GLT8D2: variants seen among roughly 807,000 people sequenced by gnomAD.
GLT8D2 encodes the protein glycosyltransferase 8 domain-containing protein 2.
A neutral mutation model predicts 44.5 loss-of-function variants in GLT8D2; 45 were observed. That is an observed-to-expected ratio of 1.01 (90% CI 0.80 to 1.30). The LOEUF is 1.30. GLT8D2 is among the 50% of genes most tolerant of loss of function. The pLI, the probability that GLT8D2 is intolerant of heterozygous loss-of-function variation, is 0.00. For missense variants in GLT8D2, 400 were observed against 430.4 expected (o/e 0.93, Z 0.62); for synonymous variants, 156 against 157.2 (o/e 0.99, Z 0.06).
intron 4 of GLT8D2, among the ~76,000 whole-genome samples, chr12:104,007,958 G>A (rs1291018526): frequency 6.6e-6 from 1 of 152,180 alleles, no homozygotes; most frequent in African/African-American, 2.4e-5. Context: ...TTCGCCTCCT[G>A]CCATGATTCT....
At chr12:103,993,859 G>C (rs1440549982) in intron 9 of GLT8D2, 1 of 193,364 alleles carries the variant, frequency 5.2e-6, no homozygotes, top group Non-Finnish European at 1.1e-5. Flanking sequence ...AGATACACAA[G>C]ACTGCTAGGC....
In GLT8D2 at chr12:104,022,010, A is replaced by G. The variant is rs549851694; in HGVS notation, c.-163-519T>C. On this transcript the variant is annotated intron_variant, in intron 1 of 10. Coordinates refer to ENST00000360814, the MANE Select transcript of GLT8D2 (RefSeq NM_001384711.1). The stretch of plus-strand genomic sequence containing the variant: ...AAGAAGAAGAAGAAGAAGAAGAAGA[A>G]GAAGAAGAAGAAAAAGAAGAAGAAG... Among the ~76,000 whole-genome samples the G allele has an allele frequency of 1.6e-4, 13 of 78,986 alleles. 3 individuals carry two copies. Among genetic ancestry groups the G allele is most frequent in the Middle Eastern group, 8.6e-3 (2 of 232 alleles). 51.8% of individuals were successfully genotyped at this position (78,986 alleles called of 152,430 possible). A position where few individuals can be genotyped will look rare whatever the true frequency, so the allele number is the denominator to read the frequency against.
chr12:104,013,072 G>A (rs1181720532), intron 4 of GLT8D2, among the ~76,000 whole-genome samples: 2 of 152,170 alleles, frequency 1.3e-5, no homozygotes, highest in African/African-American at 2.4e-5. Context: ...CCAAGCAAAC[G>A]AATACAGATT....
chr12:104,043,925 C>T (rs868653706), intron 1 of GLT8D2, among the ~76,000 whole-genome samples: 1 of 152,334 alleles, frequency 6.6e-6, no homozygotes, highest in Middle Eastern at 3.4e-3. Flanking sequence ...TCCACCCTGG[C>T]ACATTAGCCT....
At chr12:104,008,501 A>G (rs188816640) in intron 4 of GLT8D2, among the ~76,000 whole-genome samples, 103 of 152,354 alleles carry the variant, frequency 6.8e-4, no homozygotes, top group African/African-American at 2.3e-3. Flanking sequence ...CAGTTTTATA[A>G]GGGAAGCAGA....
upstream of GLT8D2, among the ~76,000 whole-genome samples, chr12:104,051,531 G>C (rs1294728833): frequency 6.6e-6 from 1 of 152,070 alleles, no homozygotes; most frequent in Admixed American, 6.6e-5. Flanking sequence ...AATATACAAT[G>C]TATAGTGATC....
At chr12:104,018,434 C>A (rs1877173476) in intron 3 of GLT8D2, among the ~76,000 whole-genome samples, 1 of 152,120 alleles carries the variant, frequency 6.6e-6, no homozygotes, top group South Asian at 2.1e-4. Flanking sequence ...TTTGCTGACA[C>A]CCAGTTCCTC....
At chr12:104,042,079 C>T (rs544252008) in intron 1 of GLT8D2, among the ~76,000 whole-genome samples, 1 of 152,340 alleles carries the variant, frequency 6.6e-6, no homozygotes, top group South Asian at 2.1e-4. Flanking sequence ...AACAGCTCTT[C>T]CCATCCTTTT....
At chr12:104,010,213 G>C (rs534836954) in intron 4 of GLT8D2, among the ~76,000 whole-genome samples, 1 of 152,010 alleles carries the variant, frequency 6.6e-6, no homozygotes, top group South Asian at 2.1e-4. Flanking sequence ...TGGCACACAA[G>C]ACCCCTCATG....
chr12:104,018,401 A>G (rs1439355867), intron 3 of GLT8D2, among the ~76,000 whole-genome samples: 1 of 152,180 alleles, frequency 6.6e-6, no homozygotes, highest in Non-Finnish European at 1.5e-5. Context: ...CTCCAAAGCT[A>G]CATCCTGAGG....
chr12:104,046,806 A>G (rs1293315625), intron 1 of GLT8D2, among the ~76,000 whole-genome samples: 1 of 152,120 alleles, frequency 6.6e-6, no homozygotes, highest in African/African-American at 2.4e-5. Flanking sequence ...AGATTCACCA[A>G]GATACATAGA....
intron 1 of GLT8D2, among the ~76,000 whole-genome samples, chr12:104,059,029 G>A (rs1365325999): frequency 2.0e-5 from 3 of 152,184 alleles, no homozygotes; most frequent in South Asian, 2.1e-4. Flanking sequence ...GCGGGACAGC[G>A]CAAGACTTCA....
intron 1 of GLT8D2, among the ~76,000 whole-genome samples, chr12:104,024,414 C>G (rs1484072823): frequency 6.6e-6 from 1 of 151,790 alleles, no homozygotes; most frequent in Non-Finnish European, 1.5e-5. Flanking sequence ...GCCCCGGTGA[C>G]AGAGAGAGAC....
In GLT8D2 at chr12:103,989,365, T is replaced by C; in HGVS notation, c.*43A>G. The C allele has an allele frequency of 6.7e-7, 1 of 1,481,804 alleles. No individual in the cohort carries two copies. The highest frequency in any genetic ancestry group is 9.2e-7 in the Non-Finnish European group (1 of 1,090,044). The allele number at this position is 1,481,804 out of a possible 1,614,324, so 91.8% of individuals were successfully genotyped here. A position where few individuals can be genotyped will look rare whatever the true frequency, so the allele number is the denominator to read the frequency against. ...GTTATAGTTGGCTACAAAGGGACAA[T>C]TCCACATTTCTATACAGGGAATATT... On this transcript the variant is annotated 3_prime_UTR_variant, in exon 11 of 11. Coordinates refer to ENST00000360814, the MANE Select transcript of GLT8D2 (RefSeq NM_001384711.1).
intron 3 of GLT8D2, among the ~76,000 whole-genome samples, chr12:104,017,026 A>G (rs1248642291): frequency 6.6e-6 from 1 of 152,314 alleles, no homozygotes; most frequent in South Asian, 2.1e-4. Context: ...AGAGTGGTGT[A>G]AAACAGTGTT....
upstream of GLT8D2, among the ~76,000 whole-genome samples, chr12:104,051,987 ATTATG>A (rs1361095647): frequency 2.0e-5 from 3 of 151,608 alleles, no homozygotes; most frequent in Admixed American, 6.6e-5. Flanking sequence ...ATGTATATCT[ATTATG>A]TTATCAATAA....
chr12:104,042,785 A>G (rs374093651), intron 1 of GLT8D2, among the ~76,000 whole-genome samples: 24 of 152,282 alleles, frequency 1.6e-4, no homozygotes, highest in African/African-American at 5.5e-4. Context: ...AAAAAATCAC[A>G]CACACACAAA....
chr12:104,040,707 A>G (rs1880446237), intron 1 of GLT8D2, among the ~76,000 whole-genome samples: 1 of 151,790 alleles, frequency 6.6e-6, no homozygotes, highest in South Asian at 2.1e-4. Flanking sequence ...TACAGGCGTG[A>G]GCCACCACGC....
upstream of GLT8D2, among the ~76,000 whole-genome samples, chr12:104,053,763 A>G (rs905187699): frequency 3.9e-5 from 6 of 152,200 alleles, no homozygotes; most frequent in East Asian, 3.9e-4. Context: ...AGGCGCCTGT[A>G]GTCCCAACTA....
Sources: allele counts gnomAD v4.1 joint callset (sites outside exome capture counted in the v4.1 genomes callset), GRCh38; gene constraint gnomAD v4.1.1; transcripts MANE v1.5; gene names NCBI Gene and HGNC (gene_info 2026-07-23, HGNC 2026-07-21).